The following GPR155 variants were observed in gnomAD, a reference collection of about 807,000 sequenced individuals.
The protein encoded by GPR155 is G protein-coupled receptor 155.
A neutral mutation model predicts 93.1 loss-of-function variants in GPR155; 65 were observed. That is an observed-to-expected ratio of 0.70 (90% CI 0.57 to 0.86). GPR155 has a LOEUF of 0.86. GPR155 is among the 40% of genes least tolerant of loss of function. The pLI, the probability that GPR155 is intolerant of heterozygous loss-of-function variation, is 0.00. For missense variants in GPR155, 838 were observed against 1,034.8 expected (o/e 0.81, Z 2.61); for synonymous variants, 319 against 360.1 (o/e 0.89, Z 1.29).
rs1056035 is a variant in GPR155 at position 174,434,588 on chromosome 2, G to T, written c.*1528C>A. The T allele has an allele frequency of 0.25, 37,612 of 151,478 alleles. 5,598 individuals are homozygous for T. The highest frequency in any genetic ancestry group is 0.47 in the Middle Eastern group (137 of 294). 9.4% of individuals were successfully genotyped at this position (151,478 alleles called of 1,614,324 possible). ...AAAAGACAAACTTTAAAAAAAAATA[G>T]TGCCTCTAGGTTTTTTTTGCTTGTT... On this transcript the variant is annotated 3_prime_UTR_variant, in exon 16 of 16. Transcript: ENST00000392552.
rs368769442 is a variant in GPR155, at chr2:174,446,741, T to C, written c.1883A>G (p.His628Arg). 1.5e-5 allele frequency: 25 copies of C among 1,613,630 alleles called. No homozygotes were observed. The highest frequency in any genetic ancestry group is 2.1e-5 in the Non-Finnish European group (25 of 1,179,856). ...PVIPSFEKNNHCVSRCNSQSC... is the reference protein window; with the variant it reads ...PVIPSFEKNNRCVSRCNSQSC... The stretch of plus-strand genomic sequence containing the variant: ...CTGGGAGTTACAGCGACTCACACAA[T>C]GATTGTCTATAAAAGAGTAAGCACA... Residue 628 changes from histidine (H) to arginine (R), a missense_variant, in exon 12 of 16, where the codon CAT (histidine) becomes CGT (arginine). Around this residue, in one of 3 missense-constraint regions of GPR155, gnomAD observed 663 missense variants for 790.1 expected, o/e 0.84. Coordinates refer to ENST00000392552, the MANE Select transcript of GPR155 (RefSeq NM_152529.7).
At position 174,470,448 on chromosome 2, in the gene GPR155, A is replaced by C; in HGVS notation, c.968T>G (p.Phe323Cys). The C allele has an allele frequency of 6.2e-7, 1 of 1,613,560 alleles. No individual in the cohort carries two copies. Reference protein sequence around the residue: ...LSNYAFLYGVFPVAPGVAIFA... With the variant: ...LSNYAFLYGVCPVAPGVAIFA... ...GATAGCCACTCCTGGTGCTACAGGA[A>C]ATACACCATACAGAAATGCATAATT... The change falls in exon 4 of 16, where the codon TTT becomes TGT. Residue 323 changes from phenylalanine (F) to cysteine (C), a missense_variant. Phe to Cys is a radical substitution (Grantham distance 205, BLOSUM62 -2). Around this residue, in one of 3 missense-constraint regions of GPR155, gnomAD observed 663 missense variants for 790.1 expected, o/e 0.84. Transcript: ENST00000392552.
chr2:174,480,379 C>T (rs1437927004), intron 2 of GPR155, among the ~76,000 whole-genome samples: 3 of 151,998 alleles, frequency 2.0e-5, no homozygotes, highest in South Asian at 2.1e-4. Flanking sequence ...GCCACTGGTA[C>T]GAAACAGTTC....
intron 12 of GPR155, 51 bp downstream of exon 12, chr2:174,446,560 G>C: frequency 6.4e-7 from 1 of 1,569,682 alleles, no homozygotes; most frequent in Non-Finnish European, 8.6e-7. Context: ...TAAAACCTTT[G>C]CCAAAAATTT....
chr2:174,482,292 T>C (rs186171853), intron 1 of GPR155, among the ~76,000 whole-genome samples: 1 of 152,330 alleles, frequency 6.6e-6, no homozygotes, highest in Admixed American at 6.5e-5. Context: ...CCGCAAATAT[T>C]AGAGCTGCAG....
intron 1 of GPR155, among the ~76,000 whole-genome samples, chr2:174,484,101 T>C (rs912184317): frequency 6.6e-6 from 1 of 152,216 alleles, no homozygotes; most frequent in Non-Finnish European, 1.5e-5. Flanking sequence ...TGTGCTACCC[T>C]TGTATAAACC....
chr2:174,453,944 C>T, intron 10 of GPR155, 103 bp from the exon 11 acceptor site: 1 of 751,804 alleles, frequency 1.3e-6, no homozygotes, highest in Non-Finnish European at 2.4e-6. Flanking sequence ...CTCACACACA[C>T]TTCCCATGTA....
chr2:174,466,790 TA>T (rs1687851154), intron 5 of GPR155, among the ~76,000 whole-genome samples, 163 bp from the exon 6 acceptor site: 1 of 152,194 alleles, frequency 6.6e-6, no homozygotes, highest in Non-Finnish European at 1.5e-5. Flanking sequence ...GGTAAATTAT[TA>T]TAACCAATGT....
Position 174,460,154 on chromosome 2 carries a change from ATTTTTTTT to A in GPR155, c.1561-74_1561-67del, listed in dbSNP as rs11385015. The A allele has an allele frequency of 1.3e-4, 54 of 400,002 alleles. 1 individual carries two copies. Among genetic ancestry groups the A allele is most frequent in the East Asian group, 5.8e-5 (1 of 17,178 alleles). The allele number at this position is 400,002 out of a possible 1,614,324, so 24.8% of individuals were successfully genotyped here. On this transcript the variant is annotated intron_variant, in intron 9 of 15. Coordinates refer to ENST00000392552, the MANE Select transcript of GPR155 (RefSeq NM_152529.7). The stretch of plus-strand genomic sequence containing the variant: ...CTTCATCTTGATAATCTTAGGGCAC[ATTTTTTTT>A]TTTTTTTTTTTTTTTTGAGATGGAG...
chr2:174,438,092 T>TA (rs1231759547), intron 15 of GPR155, among the ~76,000 whole-genome samples: 4 of 151,712 alleles, frequency 2.6e-5, no homozygotes, highest in Middle Eastern at 3.4e-3. Flanking sequence ...CCATCTCTAC[T>TA]AAAAAAATAC....
At position 174,447,312 on chromosome 2, in the gene GPR155, G is replaced by C. The variant is rs558032774; in HGVS notation, c.1877-565C>G. On this transcript the variant is annotated intron_variant, in intron 11 of 15. Coordinates refer to ENST00000392552, the MANE Select transcript of GPR155 (RefSeq NM_152529.7). ...AGACTGCACCACAGAGTAAGACTCTGTCTCAAAAAAAATTAAAAAAAATAA... is the reference window on the plus strand; with the variant it reads ...AGACTGCACCACAGAGTAAGACTCTCTCTCAAAAAAAATTAAAAAAAATAA... Among the ~76,000 whole-genome samples, 826 of 147,480 alleles carry C rather than the reference G, an allele frequency of 5.6e-3. 11 individuals are homozygous for C. The highest frequency in any genetic ancestry group is 0.011 in the Middle Eastern group (3 of 278).
At chr2:174,456,041 C>T (rs1687507759) in intron 10 of GPR155, among the ~76,000 whole-genome samples, 1 of 151,948 alleles carries the variant, frequency 6.6e-6, no homozygotes, top group South Asian at 2.1e-4. Flanking sequence ...GGGGTTTCAC[C>T]ATGTTGGCCA....
chr2:174,481,785 T>C lies in GPR155; in HGVS notation c.172A>G (p.Ile58Val). 1 of 1,614,250 alleles carries C rather than the reference T, an allele frequency of 6.2e-7. No homozygotes were observed. Among genetic ancestry groups the C allele is most frequent in the East Asian group, 2.2e-5 (1 of 44,880 alleles). ...GTTATGACATTGGCCCTTCCTGCTA[T>C]GTAGCCACAAAGGACAATGCCAAAG... ...ECFGIVLCGY[I>V]AGRANVITST... is the part of the protein sequence containing the mutation. Residue 58 changes from isoleucine (I) to valine (V), a missense_variant, in exon 2 of 16, where the codon ATA becomes GTA. Ile to Val is a conservative substitution (Grantham distance 29). Around this residue, in one of 3 missense-constraint regions of GPR155, gnomAD observed 663 missense variants for 790.1 expected, o/e 0.84. Coordinates refer to ENST00000392552, the MANE Select transcript of GPR155 (RefSeq NM_152529.7).
intron 3 of GPR155, among the ~76,000 whole-genome samples, chr2:174,471,830 T>A (rs1688007329): frequency 6.6e-6 from 1 of 152,230 alleles, no homozygotes; most frequent in Admixed American, 6.5e-5. Context: ...ATACCATTAT[T>A]GTTTAAACTA....
intron 7 of GPR155, 75 bp from the exon 8 acceptor site, chr2:174,461,747 A>AT: frequency 2.2e-6 from 2 of 907,418 alleles, no homozygotes; most frequent in East Asian, 2.4e-5. Context: ...TTTCCTTTTT[A>AT]TTTTTTTAAA....
intron 2 of GPR155, among the ~76,000 whole-genome samples, chr2:174,475,266 G>A (rs973464307): frequency 4.4e-5 from 5 of 112,934 alleles, no homozygotes; most frequent in Admixed American, 1.3e-4. Context: ...CTGCACTCCA[G>A]CCTGGGCGAC....
At chr2:174,468,265 C>T (rs927966494) in intron 5 of GPR155, among the ~76,000 whole-genome samples, 1 of 152,108 alleles carries the variant, frequency 6.6e-6, no homozygotes, top group African/African-American at 2.4e-5. Flanking sequence ...ATATTCACCC[C>T]CACCTCCATT....
At chr2:174,447,710 C>T (rs1687182650) in intron 11 of GPR155, among the ~76,000 whole-genome samples, 1 of 146,752 alleles carries the variant, frequency 6.8e-6, no homozygotes, top group South Asian at 2.1e-4. Flanking sequence ...AAACCAAGTA[C>T]TGCATGTGCT....
At chr2:174,470,810 T>C (rs1357255486) in intron 3 of GPR155, among the ~76,000 whole-genome samples, 2 of 152,210 alleles carry the variant, frequency 1.3e-5, no homozygotes, top group Admixed American at 1.3e-4. Context: ...AAAAGATGTT[T>C]TTGGTTCTAC....
Sources: allele counts gnomAD v4.1 joint callset (sites outside exome capture counted in the v4.1 genomes callset), GRCh38; gene constraint gnomAD v4.1.1; regional missense constraint gnomAD v4.1.1; transcripts MANE v1.5; gene names NCBI Gene and HGNC (gene_info 2026-07-23, HGNC 2026-07-21).